ATP7A: variants seen among roughly 807,000 people sequenced by gnomAD.
ATP7A encodes the protein ATPase copper transporting alpha.
In ATP7A, 7 loss-of-function variants were observed where a neutral mutation model predicts 83.5. That is an observed-to-expected ratio of 0.08 (90% CI 0.05 to 0.16). ATP7A has a LOEUF of 0.16. ATP7A is among the 10% of genes least tolerant of loss of function. ATP7A has a pLI of 1.00. For synonymous variants in ATP7A, 354 were observed against 395.2 expected, an observed-to-expected ratio of 0.90 and a Z score of 1.24; for missense variants, 940 against 1,120.8, an observed-to-expected ratio of 0.84 and a Z score of 2.30.
At chrX:78,041,938 T>C (rs1209375579) in intron 19 of ATP7A, among the ~76,000 whole-genome samples, 1 of 109,060 alleles carries the variant, frequency 9.2e-6, no homozygotes, top group South Asian at 4.1e-4. Flanking sequence ...GCCAGCATGG[T>C]GAAACCTTGT....
At chrX:77,932,468 C>T (rs2077292496) in intron 1 of ATP7A, among the ~76,000 whole-genome samples, 1 of 112,388 alleles carries the variant, frequency 8.9e-6, no homozygotes, top group South Asian at 3.7e-4. Flanking sequence ...CGATGGGCGG[C>T]CGGGCAGAGA....
intron 1 of ATP7A, among the ~76,000 whole-genome samples, chrX:77,928,406 A>G (rs1398464982): frequency 3.1e-4 from 5 of 16,064 alleles, no homozygotes; most frequent in African/African-American, 7.7e-4. Context: ...TAACACACAT[A>G]CACACACACA....
chrX:77,993,914 T>G (rs1287763934), intron 4 of ATP7A, among the ~76,000 whole-genome samples: 2 of 111,215 alleles, frequency 1.8e-5, no homozygotes, highest in Non-Finnish European at 3.8e-5. Context: ...TAGCTAGCAT[T>G]TTTTTAGGAG....
At chrX:77,911,711 A>G (rs1277901875) in intron 1 of ATP7A, among the ~76,000 whole-genome samples, 1 of 111,077 alleles carries the variant, frequency 9.0e-6, no homozygotes, top group Non-Finnish European at 1.9e-5. Flanking sequence ...TGGGAGGCCG[A>G]GGAGGGTGGA....
At chrX:77,993,706 T>G (rs1375020142) in intron 4 of ATP7A, among the ~76,000 whole-genome samples, 5 of 111,296 alleles carry the variant, frequency 4.5e-5, no homozygotes, top group African/African-American at 1.6e-4. Context: ...ATGATTGATA[T>G]TCATTAATGG....
chrX:77,961,581 A>G (rs781946032), intron 1 of ATP7A, among the ~76,000 whole-genome samples: 4 of 112,048 alleles, frequency 3.6e-5, no homozygotes, highest in South Asian at 7.4e-4. Flanking sequence ...AGCCAAAGCT[A>G]TAAGAAGAAT....
chrX:78,024,060 C>T (rs2077925910), intron 14 of ATP7A, among the ~76,000 whole-genome samples: 1 of 111,289 alleles, frequency 9.0e-6, no homozygotes, highest in Admixed American at 9.6e-5. Context: ...GGTGTCCTTT[C>T]CCCATTGTTT....
At chrX:77,993,991 A>G (rs1366469781) in intron 4 of ATP7A, among the ~76,000 whole-genome samples, 2 of 111,414 alleles carry the variant, frequency 1.8e-5, no homozygotes, top group Non-Finnish European at 3.8e-5. Context: ...TGAAGACCCA[A>G]AGATACAGGA....
At chrX:77,969,164 T>C in intron 1 of ATP7A, 1 of 1,211,700 alleles carries the variant, frequency 8.3e-7, no homozygotes, top group Non-Finnish European at 1.1e-6. Context: ...CTGGCAATAG[T>C]ATCCTTCGGA....
intron 1 of ATP7A, among the ~76,000 whole-genome samples, chrX:77,950,302 G>A (rs2077405965): frequency 8.9e-6 from 1 of 111,900 alleles, no homozygotes; most frequent in Non-Finnish European, 1.9e-5. Flanking sequence ...ACATGCTTTG[G>A]CTTTAATAAT....
chrX:78,045,463 T>G lies in ATP7A; in HGVS notation c.4124-7T>G. On this transcript the variant is annotated splice_polypyrimidine_tract_variant and splice_region_variant and intron_variant, in intron 21 of 22. Coordinates refer to ENST00000341514, the MANE Select transcript of ATP7A (RefSeq NM_000052.7). ...TCTACTCTAACTAATCCATACTTGT[T>G]TCTTAGGAGTTTTTATGCCCATTGG... 3 of 1,194,911 alleles carry G rather than the reference T, an allele frequency of 2.5e-6. No homozygotes were observed. The highest frequency in any genetic ancestry group is 3.4e-6 in the Non-Finnish European group (3 of 880,776).
At chrX:77,975,636 C>T (rs2149076044) in intron 2 of ATP7A, 1 of 109,323 alleles carries the variant, frequency 9.1e-6, no homozygotes, top group Non-Finnish European at 1.9e-5. Context: ...ACTACAGGTG[C>T]ACGTCACCAT....
rs1557226406 is a variant in ATP7A, at chrX:77,948,106, TTC to T, written c.-21-23514_-21-23513del. 4.8e-4 allele frequency among the ~76,000 whole-genome samples: 51 copies of T among 107,192 alleles called. 1 individual carries two copies. Among genetic ancestry groups the T allele is most frequent in the East Asian group, 1.2e-3 (4 of 3,442 alleles). 93.1% of individuals were successfully genotyped at this position (107,192 alleles called of 115,157 possible). A position where few individuals can be genotyped will look rare whatever the true frequency, so the allele number is the denominator to read the frequency against. On this transcript the variant is annotated intron_variant, in intron 1 of 22. Coordinates refer to ENST00000341514, the MANE Select transcript of ATP7A (RefSeq NM_000052.7). ...ATTTATTTATTTATTTATTTATTCA[TTC>T]ATTCATTCATTCATTCGTTCATTCA...
chrX:77,915,050 C>T (rs928514964), intron 1 of ATP7A, among the ~76,000 whole-genome samples: 1 of 111,501 alleles, frequency 9.0e-6, no homozygotes, highest in Admixed American at 9.5e-5. Flanking sequence ...CACAGTTGCT[C>T]ACGCCTGTAA....
intron 2 of ATP7A, among the ~76,000 whole-genome samples, chrX:77,980,754 C>T (rs1400471487): frequency 2.7e-5 from 3 of 110,729 alleles, no homozygotes; most frequent in Non-Finnish European, 1.9e-5. Flanking sequence ...CTGCAACCTC[C>T]GCCACCCGGG....
At chrX:77,970,541 A>G (rs782813835) in intron 1 of ATP7A, among the ~76,000 whole-genome samples, 1 of 111,404 alleles carries the variant, frequency 9.0e-6, no homozygotes, top group South Asian at 3.8e-4. Flanking sequence ...GTGTGGTGGC[A>G]TGCGCCCGTA....
At chrX:77,999,338 G>T (rs2077724572) in intron 5 of ATP7A, among the ~76,000 whole-genome samples, 1 of 111,347 alleles carries the variant, frequency 9.0e-6, no homozygotes, top group Admixed American at 9.6e-5. Flanking sequence ...CTGACAAATA[G>T]AATATTTAAG....
chrX:78,047,901 C>A lies in ATP7A; in HGVS notation c.*1331C>A, dbSNP rs1464924252. The A allele has an allele frequency of 1.8e-5, 2 of 111,742 alleles. No homozygotes were observed. Among genetic ancestry groups the A allele is most frequent in the African/African-American group, 6.5e-5 (2 of 30,751 alleles). 9.2% of individuals were successfully genotyped at this position (111,742 alleles called of 1,213,427 possible). On this transcript the variant is annotated 3_prime_UTR_variant, in exon 23 of 23. Coordinates refer to ENST00000341514, the MANE Select transcript of ATP7A (RefSeq NM_000052.7). Reference sequence around the variant, plus strand: ...TTGTATTTTTTGAATTGAGTATAATCACTTTGCTAGTATATATAATTTAAT... The same window carrying A: ...TTGTATTTTTTGAATTGAGTATAATAACTTTGCTAGTATATATAATTTAAT...
chrX:77,931,780 C>A (rs1367941740), intron 1 of ATP7A, among the ~76,000 whole-genome samples: 2 of 105,527 alleles, frequency 1.9e-5, no homozygotes, highest in Non-Finnish European at 4.0e-5. Context: ...CTGACCCCCC[C>A]CACCTCCCTC....
Sources: allele counts gnomAD v4.1 joint callset (sites outside exome capture counted in the v4.1 genomes callset), GRCh38; gene constraint gnomAD v4.1.1; transcripts MANE v1.5; gene names NCBI Gene and HGNC (gene_info 2026-07-23, HGNC 2026-07-21).